Variants in ESRRG observed in about 807,000 individuals in gnomAD.
ESRRG encodes the protein estrogen-related receptor gamma.
Under a neutral mutation model 44.0 loss-of-function variants are expected in ESRRG, and 13 were observed. That is an observed-to-expected ratio of 0.30 (90% CI 0.19 to 0.47). The LOEUF (loss-of-function observed/expected upper bound fraction) is 0.47, where lower values mean the gene tolerates loss of function less well. Ranked by LOEUF, ESRRG falls within the 20% of genes least tolerant of loss-of-function variation. The pLI is 1.00. For missense variants in ESRRG, 395 were observed against 580.6 expected (o/e 0.68, Z 3.29); for synonymous variants, 215 against 214.6 (o/e 1.00, Z -0.02).
At chr1:216,895,245 G>A in intron 2 of ESRRG, among the ~76,000 whole-genome samples, 1 of 152,266 alleles carries the variant, frequency 6.6e-6, no homozygotes, top group East Asian at 1.9e-4. Context: ...TTCCTTTCAT[G>A]TGTGAGGAAA....
At chr1:216,733,829 A>G (rs1410265058) in intron 2 of ESRRG, among the ~76,000 whole-genome samples, 1 of 151,938 alleles carries the variant, frequency 6.6e-6, no homozygotes, top group Non-Finnish European at 1.5e-5. Context: ...CGTCTCTACT[A>G]AAAATACAAA....
At position 216,507,092 on chromosome 1, in the gene ESRRG, C is replaced by T; in HGVS notation, c.1224G>A (p.Met408Ile). Residue 408 changes from methionine (M) to isoleucine (I), a missense_variant, in exon 7 of 7, where the codon ATG becomes ATA. Around this residue, in one of 5 missense-constraint regions of ESRRG, gnomAD observed 167 missense variants for 251.8 expected, o/e 0.66. Coordinates refer to ENST00000408911, the MANE Select transcript of ESRRG (RefSeq NM_001438.4). ...TCTTGCCAGCTCGACGAGGGTCTTCCATGTGCTGGCCAGCTTCATAATCCT... is the reference window on the plus strand; with the variant it reads ...TCTTGCCAGCTCGACGAGGGTCTTCTATGTGCTGGCCAGCTTCATAATCCT... ...ALQDYEAGQH[M>I]EDPRRAGKML... 6.2e-7 allele frequency: 1 copy of T among 1,614,052 alleles called. No individual in the cohort carries two copies. Among genetic ancestry groups the T allele is most frequent in the Non-Finnish European group, 8.5e-7 (1 of 1,180,028 alleles).
At chr1:216,509,726 A>G (rs1386348831) in intron 6 of ESRRG, among the ~76,000 whole-genome samples, 1 of 152,264 alleles carries the variant, frequency 6.6e-6, no homozygotes, top group East Asian at 1.9e-4. Flanking sequence ...CTTCCCATTT[A>G]TAGAAAAGAT....
At position 217,058,885 on chromosome 1, in the gene ESRRG, A is replaced by T. The variant is rs558208533; in HGVS notation, c.-106+30622T>A. ...TAAAACATAATACAATAAACTATAG[A>T]TATTATAATGTAAATATAGAATAAA... On this transcript the variant is annotated intron_variant, in intron 1 of 7. Coordinates refer to the ESRRG transcript ENST00000359162. Among the ~76,000 whole-genome samples the T allele has an allele frequency of 1.8e-3, 274 of 148,980 alleles. 1 individual carries two copies. The highest frequency in any genetic ancestry group is 6.5e-3 in the South Asian group (31 of 4,776).
chr1:216,668,448 C>T (rs1419196168), intron 2 of ESRRG, among the ~76,000 whole-genome samples: 3 of 152,106 alleles, frequency 2.0e-5, no homozygotes, highest in Non-Finnish European at 4.4e-5. Flanking sequence ...TAACATAATG[C>T]TATGTGTTTA....
chr1:216,808,133 G>C (rs1381511702), intron 2 of ESRRG, among the ~76,000 whole-genome samples: 1 of 152,110 alleles, frequency 6.6e-6, no homozygotes, highest in East Asian at 1.9e-4. Context: ...ACTCCTTTCA[G>C]GGAGGGGTCT....
At chr1:216,751,295 A>G (rs2091982126) in intron 2 of ESRRG, among the ~76,000 whole-genome samples, 2 of 152,176 alleles carry the variant, frequency 1.3e-5, no homozygotes, top group South Asian at 4.1e-4. Flanking sequence ...GGGATCATGA[A>G]CAATAGAAAT....
intron 3 of ESRRG, among the ~76,000 whole-genome samples, chr1:216,571,302 G>A (rs2060749582): frequency 6.6e-6 from 1 of 152,108 alleles, no homozygotes; most frequent in East Asian, 1.9e-4. Context: ...ATTTAGTTGG[G>A]TGTAGTTGTG....
chr1:216,676,980 T>G, intron 2 of ESRRG, 96 bp downstream of exon 2: 1 of 850,296 alleles, frequency 1.2e-6, no homozygotes, highest in South Asian at 1.7e-5. Flanking sequence ...GAATTAAAAC[T>G]ATGATACTTG....
intron 3 of ESRRG, among the ~76,000 whole-genome samples, chr1:216,590,634 A>C (rs185429459): frequency 1.3e-5 from 2 of 152,338 alleles, no homozygotes; most frequent in Middle Eastern, 3.4e-3. Flanking sequence ...ATTTTGGAGA[A>C]AATGAAGGCA....
At chr1:216,592,632 C>T (rs1479952039) in intron 3 of ESRRG, among the ~76,000 whole-genome samples, 1 of 152,118 alleles carries the variant, frequency 6.6e-6, no homozygotes, top group Non-Finnish European at 1.5e-5. Context: ...TCCCAAGTAG[C>T]TGGGATTACA....
At chr1:217,125,159 G>A (rs2092872413) in intron 1 of ESRRG, among the ~76,000 whole-genome samples, 1 of 152,068 alleles carries the variant, frequency 6.6e-6, no homozygotes, top group African/African-American at 2.4e-5. Flanking sequence ...CACTGGGGAG[G>A]GAGGGCAGTG....
chr1:216,693,457 G>C (rs1575405411), intron 1 of ESRRG, among the ~76,000 whole-genome samples: 2 of 152,086 alleles, frequency 1.3e-5, no homozygotes, highest in African/African-American at 4.8e-5. Flanking sequence ...ATGTGCAGTT[G>C]TCCCTCAGTA....
intron 1 of ESRRG, among the ~76,000 whole-genome samples, chr1:216,989,552 C>CA (rs1455095168): frequency 6.6e-6 from 1 of 151,426 alleles, no homozygotes; most frequent in African/African-American, 2.4e-5. Context: ...TTCCATCAAT[C>CA]AAAAAACCCA....
chr1:216,700,126 T>TTC (rs956643353), intron 1 of ESRRG, among the ~76,000 whole-genome samples: 3 of 149,196 alleles, frequency 2.0e-5, no homozygotes, highest in Non-Finnish European at 3.0e-5. Context: ...CCCCGCACCT[T>TTC]TTTTTTTTTA....
chr1:216,555,219 G>C (rs1201180464), intron 5 of ESRRG, among the ~76,000 whole-genome samples: 1 of 152,084 alleles, frequency 6.6e-6, no homozygotes, highest in Non-Finnish European at 1.5e-5. Context: ...GATGAGCAAA[G>C]GTACATGGCT....
intron 2 of ESRRG, among the ~76,000 whole-genome samples, chr1:216,934,385 G>A (rs933470180): frequency 6.6e-6 from 1 of 152,142 alleles, no homozygotes; most frequent in Non-Finnish European, 1.5e-5. Context: ...AGTGAGCCAA[G>A]ATCACTCCAC....
At chr1:216,573,984 A>G (rs1331847896) in intron 3 of ESRRG, among the ~76,000 whole-genome samples, 1 of 152,048 alleles carries the variant, frequency 6.6e-6, no homozygotes, top group African/African-American at 2.4e-5. Context: ...AAGGTGGCAA[A>G]GCCTGTCTCT....
intron 2 of ESRRG, among the ~76,000 whole-genome samples, chr1:216,744,068 C>A (rs2091087141): frequency 6.6e-6 from 1 of 151,998 alleles, no homozygotes; most frequent in African/African-American, 2.4e-5. Context: ...AAGTGATGAG[C>A]AGAAAGTTTT....
Sources: allele counts gnomAD v4.1 joint callset (sites outside exome capture counted in the v4.1 genomes callset), GRCh38; gene constraint gnomAD v4.1.1; regional missense constraint gnomAD v4.1.1; transcripts MANE v1.5; gene names NCBI Gene and HGNC (gene_info 2026-07-23, HGNC 2026-07-21).